GALK1: variants seen among roughly 807,000 people sequenced by gnomAD.
GALK1 encodes galactokinase 1.
In GALK1, 30 loss-of-function variants were observed where a neutral mutation model predicts 38.6. The observed-to-expected ratio is 0.78, with a 90% CI of 0.58 to 1.05. GALK1 has a LOEUF of 1.05. Ranked by LOEUF, GALK1 falls within the 50% of genes least tolerant of loss-of-function variation. The pLI, the probability that GALK1 is intolerant of heterozygous loss-of-function variation, is 0.00. For synonymous variants in GALK1, 240 were observed against 233.6 expected (o/e 1.03, Z -0.25); for missense variants, 512 against 540.5 (o/e 0.95, Z 0.52).
At chr17:75,763,550 G>T (rs2061597472) in intron 2 of GALK1, 111 bp from the exon 3 acceptor site, 3 of 1,240,984 alleles carry the variant, frequency 2.4e-6, no homozygotes, top group Non-Finnish European at 3.4e-6. Flanking sequence ...TGTTTCTAGG[G>T]TGTGTGTCTC....
rs138057626 is a variant in GALK1 at position 75,763,387 on chromosome 17, C to G, written c.408G>C (p.Gly136=). 1 of 1,613,130 alleles carries G rather than the reference C, an allele frequency of 6.2e-7. No homozygotes were observed. Among genetic ancestry groups the G allele is most frequent in the Non-Finnish European group, 8.5e-7 (1 of 1,179,714 alleles). ...SAVVVSSVPL[G]GGLSSSASLE... ...AGGATGCTGAGCTGGACAGGCCACCCCCCAGGGGCACTGAGCTGACCACCA... is the reference window on the plus strand; with the variant it reads ...AGGATGCTGAGCTGGACAGGCCACCGCCCAGGGGCACTGAGCTGACCACCA... Residue 136 remains glycine, a synonymous_variant, in exon 3 of 8, where the codon GGG becomes GGC. Coordinates refer to ENST00000588479, the MANE Select transcript of GALK1 (RefSeq NM_000154.2).
intron 2 of GALK1, 152 bp from the exon 3 acceptor site, chr17:75,763,591 A>T: frequency 1.1e-6 from 1 of 889,624 alleles, no homozygotes; most frequent in Non-Finnish European, 1.8e-6. Context: ...CTGCTGGGCC[A>T]AGGGACCCAC....
chr17:75,765,186 G>C lies in GALK1; in HGVS notation c.-50C>G. ...GCTGCTCCGGCACAGCCCCGTCGGC[G>C]CGGGATGCTCGGGCGGGGCCCCGCG... On this transcript the variant is annotated 5_prime_UTR_variant, in exon 1 of 8. Transcript: ENST00000588479. 2.2e-6 allele frequency: 3 copies of C among 1,380,992 alleles called. No individual in the cohort carries two copies. Among genetic ancestry groups the C allele is most frequent in the Non-Finnish European group, 1.9e-6 (2 of 1,072,978 alleles). 85.5% of individuals were successfully genotyped at this position (1,380,992 alleles called of 1,614,324 possible).
chr17:75,756,135 T>C (rs2061494905), downstream of GALK1, among the ~76,000 whole-genome samples: 1 of 152,194 alleles, frequency 6.6e-6, no homozygotes, highest in Non-Finnish European at 1.5e-5. Context: ...TCTGCTGGCC[T>C]GAGATGCCTT....
At position 75,752,533 on chromosome 17, in the gene GALK1, G is replaced by A. The variant is rs373278372; in HGVS notation, c.*23-796C>T. On this transcript the variant is annotated intron_variant, in intron 8 of 8. Coordinates refer to the GALK1 transcript ENST00000225614. ...CTTATGTACAGCGATGACGTTCTAC[G>A]CTCTCCATCGGGCAGCCAGAGGCCC... 166 of 1,613,510 alleles carry A rather than the reference G, an allele frequency of 1.0e-4. 1 individual carries two copies. The highest frequency in any genetic ancestry group is 3.7e-4 in the Admixed American group (22 of 60,000).
intron 8 of GALK1, chr17:75,752,044 C>A: frequency 1.0e-6 from 1 of 999,210 alleles, no homozygotes; most frequent in South Asian, 1.3e-5. Context: ...TCAGCAGTGG[C>A]TGGCTTTGCC....
rs1599336885 is a variant in GALK1 at position 75,764,999 on chromosome 17, G to A, written c.138C>T (p.Asp46=). The stretch of plus-strand genomic sequence containing the variant: ...TAGGCAGCACCAGGCCCTGGTTGTA[G>A]TCCGTGTGTTCCCCGATGAGGTTGA... ...GRVNLIGEHT[D]YNQGLVLPMA... Residue 46 remains aspartate, a synonymous_variant, in exon 1 of 8, where the codon GAC becomes GAT. Coordinates refer to ENST00000588479, the MANE Select transcript of GALK1 (RefSeq NM_000154.2). The A allele has an allele frequency of 1.2e-6, 2 of 1,610,652 alleles. No individual in the cohort carries two copies.
Position 75,765,110 on chromosome 17 carries a change from G to C in GALK1, c.27C>G (p.Val9=), listed in dbSNP as rs1402351751. MAALRQPQ[V]AELLAEARRA... ...GCCGGGCCTCGGCCAGCAGCTCCGC[G>C]ACCTGGGGCTGTCTCAAAGCAGCCA... Residue 9 remains valine, a synonymous_variant, in exon 1 of 8, where the codon GTC becomes GTG. Coordinates refer to ENST00000588479, the MANE Select transcript of GALK1 (RefSeq NM_000154.2). 3.8e-6 allele frequency: 6 copies of C among 1,583,480 alleles called. No individual in the cohort carries two copies. The highest frequency in any genetic ancestry group is 5.1e-6 in the Non-Finnish European group (6 of 1,166,418).
At chr17:75,754,872 C>T, downstream of GALK1, 2 of 1,612,018 alleles carry the variant, frequency 1.2e-6, no homozygotes, top group Non-Finnish European at 1.7e-6. Context: ...CTTCCAGCTC[C>T]TGGAGCCTCG....
downstream of GALK1, chr17:75,757,088 C>T (rs1052292330): frequency 6.2e-7 from 1 of 1,613,026 alleles, no homozygotes; most frequent in Non-Finnish European, 8.5e-7. Flanking sequence ...GCATCATCAC[C>T]ATAGAGTCCC....
Position 75,758,231 on chromosome 17 carries a change from G to C in GALK1, c.1086C>G (p.Pro362=). The change falls in exon 7 of 8, where the codon CCC becomes CCG. Residue 362 remains proline (P), a synonymous_variant. Transcript: ENST00000588479. ...CCACCTGGATGTGCCGCATGGCGTGGGGAGCAGCGGAGGCCTCCAGCAGTG... is the reference window on the plus strand; with the variant it reads ...CCACCTGGATGTGCCGCATGGCGTGCGGAGCAGCGGAGGCCTCCAGCAGTG... ...TVTLLEASAA[P]HAMRHIQEHY... is the part of the protein sequence containing the mutation. 6.2e-7 allele frequency: 1 copy of C among 1,603,946 alleles called. No homozygotes were observed. The highest frequency in any genetic ancestry group is 8.5e-7 in the Non-Finnish European group (1 of 1,176,274).
intron 3 of GALK1, 62 bp downstream of exon 3, chr17:75,763,258 C>T: frequency 6.2e-7 from 1 of 1,613,326 alleles, no homozygotes; most frequent in South Asian, 1.1e-5. Context: ...ATAGTAGAAG[C>T]TGGGACCACC....
At chr17:75,764,145 T>C (rs1339168404) in intron 1 of GALK1, 59 bp from the exon 2 acceptor site, 16 of 1,449,904 alleles carry the variant, frequency 1.1e-5, no homozygotes, top group Non-Finnish European at 1.5e-5. Flanking sequence ...GCCTCTCCAA[T>C]GACACTGCCT....
chr17:75,759,396 T>G (rs2061576082), intron 5 of GALK1, among the ~76,000 whole-genome samples: 1 of 149,084 alleles, frequency 6.7e-6, no homozygotes. Flanking sequence ...CCACTGCACT[T>G]CAGCCTGGGT....
chr17:75,752,183 G>A (rs1172914799), intron 8 of GALK1: 2 of 1,613,966 alleles, frequency 1.2e-6, no homozygotes, highest in Admixed American at 1.7e-5. Context: ...GGACCTATTG[G>A]GCCCATGAAG....
At chr17:75,752,515 AC>A in intron 8 of GALK1, 1 of 1,613,712 alleles carries the variant, frequency 6.2e-7, no homozygotes, top group South Asian at 1.1e-5. Flanking sequence ...TTCCTTATGT[AC>A]AGCGATGACG....
At chr17:75,756,184 A>G (rs1030618039), downstream of GALK1, among the ~76,000 whole-genome samples, 2 of 152,168 alleles carry the variant, frequency 1.3e-5, no homozygotes, top group Admixed American at 6.5e-5. Flanking sequence ...GGGCAGGCAC[A>G]TTCAAAGCAG....
chr17:75,764,578 C>A, intron 1 of GALK1: 1 of 450,014 alleles, frequency 2.2e-6, no homozygotes. Context: ...GTAAATTGAA[C>A]GGGCTGGGCC....
chr17:75,762,885 C>A lies in GALK1; in HGVS notation c.612G>T (p.Arg204Ser), dbSNP rs1305082057. ...QKGHALLIDCRSLETSLVPLS... is the reference protein window; with the variant it reads ...QKGHALLIDCSSLETSLVPLS... ...GTGGCACCAGGCTGGTCTCCAAGGA[C>A]CTGGGGTGGAGTTACAATGGGGGAG... The change falls in exon 5 of 8, where the codon AGG (arginine) becomes AGT (serine). Residue 204 changes from arginine to serine, a missense_variant and splice_region_variant. Transcript: ENST00000588479. 1 of 1,613,264 alleles carries A rather than the reference C, an allele frequency of 6.2e-7. No individual in the cohort carries two copies.
Sources: gnomAD v4.1 joint callset for allele counts (sites outside exome capture counted in the v4.1 genomes callset) on GRCh38, gnomAD v4.1.1 for gene constraint, MANE v1.5 for transcripts, NCBI Gene and HGNC (gene_info 2026-07-23, HGNC 2026-07-21) for gene names.